Variants in ROBO2 observed in about 807,000 individuals in gnomAD.
The protein encoded by ROBO2 is roundabout guidance receptor 2, also known as roundabout homolog 2.
ROBO2 carries 53 observed loss-of-function variants against 160.8 expected under a neutral mutation model. The ratio of observed to expected loss-of-function variants is 0.33; its 90% CI spans 0.26 to 0.41. The LOEUF is 0.41. Among genes scored for constraint, ROBO2 ranks in the 10% least tolerant of loss-of-function variants. ROBO2 has a pLI of 1.00. For missense variants in ROBO2, 1,577 were observed against 1,722.4 expected, an observed-to-expected ratio of 0.92 and a Z score of 1.49; for synonymous variants, 664 against 611.7, an observed-to-expected ratio of 1.09 and a Z score of -1.26.
chr3:76,467,117 A>G (rs1362425311), intron 2 of ROBO2, among the ~76,000 whole-genome samples: 1 of 152,102 alleles, frequency 6.6e-6, no homozygotes, highest in East Asian at 1.9e-4. Context: ...TGATATATAA[A>G]TATCAAGAAA....
At chr3:76,837,362 C>T (rs377031576) in intron 2 of ROBO2, among the ~76,000 whole-genome samples, 1 of 151,704 alleles carries the variant, frequency 6.6e-6, no homozygotes. Context: ...AAGAAAATAC[C>T]TCAAGAATCA....
At chr3:76,787,038 G>T (rs2063026928) in intron 2 of ROBO2, among the ~76,000 whole-genome samples, 1 of 151,018 alleles carries the variant, frequency 6.6e-6, no homozygotes, top group South Asian at 2.1e-4. Flanking sequence ...TAGCTAAGAG[G>T]GAAGTTCTAC....
At chr3:76,364,164 G>A (rs1008817103) in intron 2 of ROBO2, among the ~76,000 whole-genome samples, 7 of 151,818 alleles carry the variant, frequency 4.6e-5, no homozygotes, top group African/African-American at 1.2e-4. Flanking sequence ...TGCATTTTCC[G>A]TGTCCTCTGC....
At chr3:76,707,658 G>A (rs1435513418) in intron 2 of ROBO2, among the ~76,000 whole-genome samples, 1 of 150,152 alleles carries the variant, frequency 6.7e-6, no homozygotes, top group East Asian at 2.0e-4. Flanking sequence ...TTCATTCTCT[G>A]TGTTCATGCC....
At chr3:76,888,851 T>A (rs1020217787) in intron 2 of ROBO2, among the ~76,000 whole-genome samples, 1 of 152,182 alleles carries the variant, frequency 6.6e-6, no homozygotes, top group Non-Finnish European at 1.5e-5. Context: ...TCCTCTAATC[T>A]CTGTGCAACC....
intron 2 of ROBO2, among the ~76,000 whole-genome samples, chr3:77,130,795 G>A (rs59680174): frequency 0.043 from 6,471 of 152,098 alleles, 464 homozygotes; most frequent in African/African-American, 0.15. Flanking sequence ...CATTTTCTAT[G>A]TAGAAAAACT....
intron 2 of ROBO2, among the ~76,000 whole-genome samples, chr3:76,610,180 G>A (rs147718943): frequency 6.9e-4 from 105 of 152,284 alleles, no homozygotes; most frequent in African/African-American, 2.4e-3. Flanking sequence ...ATGTGTCTTT[G>A]TCTGGTTTTG....
chr3:76,837,011 G>T (rs1224326819), intron 2 of ROBO2, among the ~76,000 whole-genome samples: 1 of 148,416 alleles, frequency 6.7e-6, no homozygotes, highest in African/African-American at 2.4e-5. Flanking sequence ...TTGTGAAATT[G>T]CATATTATAT....
chr3:76,286,480 GA>G (rs1708511797), intron 2 of ROBO2, among the ~76,000 whole-genome samples: 1 of 152,140 alleles, frequency 6.6e-6, no homozygotes, highest in Non-Finnish European at 1.5e-5. Context: ...GATAAAAAAA[GA>G]GGGACAATAT....
chr3:76,189,056 T>C lies in ROBO2; in HGVS notation c.109+251454T>C, dbSNP rs372911788. On this transcript the variant is annotated intron_variant, in intron 2 of 26. Transcript: ENST00000487694. ...AGTGGATATGGTAGAAAACACATCA[T>C]AGGAATAAACACTGAGTCAGCAGTG... 2.6e-5 allele frequency among the ~76,000 whole-genome samples: 4 copies of C among 152,128 alleles called. No homozygotes were observed. In the East Asian group the frequency reaches 5.8e-4, roughly 22 times the overall value.
intron 2 of ROBO2, among the ~76,000 whole-genome samples, chr3:76,667,310 C>T (rs1205622117): frequency 6.6e-6 from 1 of 152,106 alleles, no homozygotes; most frequent in Non-Finnish European, 1.5e-5. Flanking sequence ...TAAAATATTC[C>T]ATACACCCAA....
intron 2 of ROBO2, among the ~76,000 whole-genome samples, chr3:76,014,661 C>A (rs1029435745): frequency 6.6e-6 from 1 of 152,124 alleles, no homozygotes; most frequent in South Asian, 2.1e-4. Flanking sequence ...GGCACGGTGG[C>A]TTATGCATGT....
chr3:76,301,233 T>C (rs967289907), intron 2 of ROBO2, among the ~76,000 whole-genome samples: 1 of 152,114 alleles, frequency 6.6e-6, no homozygotes, highest in Non-Finnish European at 1.5e-5. Context: ...ATTTTAGGGA[T>C]GACACTAAAG....
At chr3:77,202,737 C>T (rs2151028628) in intron 2 of ROBO2, among the ~76,000 whole-genome samples, 1 of 152,176 alleles carries the variant, frequency 6.6e-6, no homozygotes, top group South Asian at 2.1e-4. Context: ...TCTTCTCTTT[C>T]TTTCTTCTTT....
At chr3:76,794,565 A>G (rs1185530733) in intron 2 of ROBO2, among the ~76,000 whole-genome samples, 2 of 151,934 alleles carry the variant, frequency 1.3e-5, no homozygotes, top group Admixed American at 6.6e-5. Context: ...TGAACAATCT[A>G]TGTTATTCAT....
intron 2 of ROBO2, among the ~76,000 whole-genome samples, chr3:75,971,715 G>A (rs986623207): frequency 6.6e-5 from 10 of 151,402 alleles, no homozygotes; most frequent in African/African-American, 2.2e-4. Context: ...AGGCTACATG[G>A]CTAAATCAGA....
At chr3:75,971,115 A>G (rs1219639246) in intron 2 of ROBO2, among the ~76,000 whole-genome samples, 9 of 151,374 alleles carry the variant, frequency 5.9e-5, no homozygotes, top group Non-Finnish European at 1.0e-4. Context: ...AATGTTTAGG[A>G]CATAAACAAT....
chr3:77,143,940 TC>T (rs1308679832), intron 2 of ROBO2, among the ~76,000 whole-genome samples: 2 of 152,220 alleles, frequency 1.3e-5, no homozygotes, highest in African/African-American at 4.8e-5. Flanking sequence ...CATTGAATTG[TC>T]CTAAAACATT....
chr3:77,211,649 C>G (rs1020832193), intron 2 of ROBO2, among the ~76,000 whole-genome samples: 2 of 152,150 alleles, frequency 1.3e-5, no homozygotes, highest in African/African-American at 2.4e-5. Context: ...AGTCCTTGCC[C>G]ATGCCTATGT....
Sources: allele counts gnomAD v4.1 joint callset (sites outside exome capture counted in the v4.1 genomes callset), GRCh38; gene constraint gnomAD v4.1.1; transcripts MANE v1.5; gene names NCBI Gene and HGNC (gene_info 2026-07-23, HGNC 2026-07-21).